DOCK3: variants seen among roughly 807,000 people sequenced by gnomAD.
The protein encoded by DOCK3 is dedicator of cytokinesis protein 3.
In DOCK3, 60 loss-of-function variants were observed where a neutral mutation model predicts 265.6. The observed-to-expected ratio is 0.23, with a 90% CI of 0.18 to 0.28. The LOEUF is 0.28. Ranked by LOEUF, DOCK3 falls within the 10% of genes least tolerant of loss-of-function variation. The pLI, the probability that DOCK3 is intolerant of heterozygous loss-of-function variation, is 1.00. For missense variants in DOCK3, 1,981 were observed against 2,594.3 expected (o/e 0.76, Z 5.14); for synonymous variants, 881 against 938.0 (o/e 0.94, Z 1.11).
intron 25 of DOCK3, among the ~76,000 whole-genome samples, chr3:51,277,218 C>T (rs1455118813): frequency 1.3e-5 from 2 of 152,220 alleles, no homozygotes; most frequent in Non-Finnish European, 2.9e-5. Flanking sequence ...AATTTGTCAC[C>T]ATTTCTCAAA....
intron 1 of DOCK3, among the ~76,000 whole-genome samples, chr3:50,745,287 C>G (rs940178470): frequency 1.3e-5 from 2 of 152,096 alleles, no homozygotes; most frequent in African/African-American, 2.4e-5. Flanking sequence ...CTCAGGTGAT[C>G]TGCCCACCTC....
At chr3:51,177,717 G>T (rs11926662) in intron 12 of DOCK3, among the ~76,000 whole-genome samples, 8 of 152,036 alleles carry the variant, frequency 5.3e-5, no homozygotes, top group Admixed American at 4.6e-4. Flanking sequence ...TTGGCCAGGC[G>T]CAGTGGCTCA....
intron 49 of DOCK3, among the ~76,000 whole-genome samples, chr3:51,367,317 C>CT (rs533323647): frequency 9.4e-4 from 143 of 151,464 alleles, no homozygotes; most frequent in Middle Eastern, 3.4e-3. Flanking sequence ...GCAATCCCTG[C>CT]TTTTTTTTTG....
chr3:50,811,975 G>C (rs2043786244), intron 2 of DOCK3, among the ~76,000 whole-genome samples: 1 of 152,190 alleles, frequency 6.6e-6, no homozygotes, highest in Admixed American at 6.5e-5. Context: ...GGACAAGCAA[G>C]AAACTAAGAA....
At chr3:51,269,343 G>A (rs2080375764) in intron 23 of DOCK3, among the ~76,000 whole-genome samples, 1 of 151,968 alleles carries the variant, frequency 6.6e-6, no homozygotes, top group Non-Finnish European at 1.5e-5. Context: ...GAGCAAATGA[G>A]TTACTGTTTG....
intron 1 of DOCK3, among the ~76,000 whole-genome samples, chr3:50,703,935 C>T (rs1166258205): frequency 2.6e-5 from 4 of 151,296 alleles, no homozygotes; most frequent in Admixed American, 6.6e-5. Context: ...TTTTCCTTAG[C>T]TTTGCTTTTT....
At chr3:50,815,667 C>A (rs920886926) in intron 2 of DOCK3, among the ~76,000 whole-genome samples, 1 of 151,394 alleles carries the variant, frequency 6.6e-6, no homozygotes, top group Non-Finnish European at 1.5e-5. Context: ...CTTTAGTTTG[C>A]TCTCATGCTT....
chr3:50,911,326 A>G (rs2049841743), intron 4 of DOCK3, among the ~76,000 whole-genome samples: 1 of 152,024 alleles, frequency 6.6e-6, no homozygotes, highest in Non-Finnish European at 1.5e-5. Flanking sequence ...TTTCAAATTG[A>G]CTTTTGTATG....
intron 12 of DOCK3, among the ~76,000 whole-genome samples, chr3:51,191,307 T>C (rs2087933768): frequency 6.6e-6 from 1 of 152,136 alleles, no homozygotes; most frequent in Admixed American, 6.5e-5. Context: ...AAATTTCAGT[T>C]GGGAGCTTCT....
At chr3:51,081,976 G>C (rs2082259695) in intron 7 of DOCK3, among the ~76,000 whole-genome samples, 1 of 151,588 alleles carries the variant, frequency 6.6e-6, no homozygotes. Flanking sequence ...CCTGGCACTT[G>C]CCTTCTACTC....
At chr3:50,766,826 GA>G (rs1425216797) in intron 1 of DOCK3, among the ~76,000 whole-genome samples, 1 of 152,196 alleles carries the variant, frequency 6.6e-6, no homozygotes, top group Non-Finnish European at 1.5e-5. Context: ...TAACTGGTAT[GA>G]GATGGTATCT....
chr3:51,230,178 A>T (rs937301579), intron 19 of DOCK3, among the ~76,000 whole-genome samples: 9 of 152,168 alleles, frequency 5.9e-5, no homozygotes, highest in Admixed American at 5.2e-4. Context: ...TGTTACGTAG[A>T]TGCATTACAT....
At chr3:51,280,038 T>G (rs1168248915) in intron 26 of DOCK3, 68 bp from the exon 27 acceptor site, 15 of 1,323,584 alleles carry the variant, frequency 1.1e-5, no homozygotes, top group Middle Eastern at 2.1e-4. Flanking sequence ...CTCCTTGCCC[T>G]CTATGGATTG....
intron 3 of DOCK3, among the ~76,000 whole-genome samples, chr3:50,879,355 C>A (rs1302057754): frequency 6.6e-6 from 1 of 152,172 alleles, no homozygotes; most frequent in East Asian, 1.9e-4. Context: ...AGAGTCAAGA[C>A]CCATCAGTGT....
rs2080446429 is a variant in DOCK3 at position 51,270,666 on chromosome 3, C to G, written c.2356-149C>G. 6.8e-6 allele frequency: 5 copies of G among 737,200 alleles called. No individual in the cohort carries two copies. In the East Asian group the frequency reaches 1.1e-4, roughly 16 times the overall value. The allele number at this position is 737,200 out of a possible 1,614,324, so 45.7% of individuals were successfully genotyped here. A position where few individuals can be genotyped will look rare whatever the true frequency, so the allele number is the denominator to read the frequency against. On this transcript the variant is annotated intron_variant, in intron 23 of 52. Transcript: ENST00000266037. ...GTTTTTCTTGCTCCATGCCTGAGTGCTGTAGTCAGTGGCCAGGGAGGAGCC... is the reference window on the plus strand; with the variant it reads ...GTTTTTCTTGCTCCATGCCTGAGTGGTGTAGTCAGTGGCCAGGGAGGAGCC...
At chr3:50,927,126 C>G (rs1473429516) in intron 4 of DOCK3, among the ~76,000 whole-genome samples, 1 of 152,268 alleles carries the variant, frequency 6.6e-6, no homozygotes, top group East Asian at 1.9e-4. Context: ...CTTGAGGCTT[C>G]TATTGTTTCT....
intron 1 of DOCK3, among the ~76,000 whole-genome samples, chr3:50,679,416 T>C (rs1362175358): frequency 6.6e-6 from 1 of 152,220 alleles, no homozygotes; most frequent in Non-Finnish European, 1.5e-5. Context: ...TTTTCCTATT[T>C]AAAAAGTAAT....
At chr3:51,327,208 A>C (rs537698288) in intron 32 of DOCK3, among the ~76,000 whole-genome samples, 1 of 152,208 alleles carries the variant, frequency 6.6e-6, no homozygotes, top group Non-Finnish European at 1.5e-5. Context: ...GTGCATTTTT[A>C]TATCTCAGAA....
intron 1 of DOCK3, among the ~76,000 whole-genome samples, chr3:50,689,746 G>A (rs2035079672): frequency 6.6e-6 from 1 of 152,214 alleles, no homozygotes; most frequent in Non-Finnish European, 1.5e-5. Context: ...CGGAGCTCAG[G>A]TGGTAATGTG....
Sources: allele counts gnomAD v4.1 joint callset (sites outside exome capture counted in the v4.1 genomes callset), GRCh38; gene constraint gnomAD v4.1.1; transcripts MANE v1.5; gene names NCBI Gene and HGNC (gene_info 2026-07-23, HGNC 2026-07-21).